GLG1: variants seen among roughly 807,000 people sequenced by gnomAD.
GLG1 encodes the protein Golgi apparatus protein 1.
In GLG1, 38 loss-of-function variants were observed where a neutral mutation model predicts 160.5. The observed-to-expected ratio is 0.24, with a 90% CI of 0.18 to 0.31. The LOEUF (loss-of-function observed/expected upper bound fraction) is 0.31. Ranked by LOEUF, GLG1 falls within the 10% of genes least tolerant of loss-of-function variation. GLG1 has a pLI of 1.00. For missense variants in GLG1, 1,373 were observed against 1,505.2 expected (o/e 0.91, Z 1.45); for synonymous variants, 644 against 543.4 (o/e 1.19, Z -2.57).
chr16:74,457,602 C>T (rs1443218121), intron 24 of GLG1, among the ~76,000 whole-genome samples: 1 of 152,110 alleles, frequency 6.6e-6, no homozygotes, highest in African/African-American at 2.4e-5. Flanking sequence ...TTAACTTCTG[C>T]TTCCCTAATA....
chr16:74,492,823 GAAAAAAA>G (rs370571319), intron 7 of GLG1, 127 bp downstream of exon 7: 6 of 334,500 alleles, frequency 1.8e-5, no homozygotes, highest in Non-Finnish European at 2.9e-5. Flanking sequence ...TCCGTCTCAA[GAAAAAAA>G]AAAAAAAAAG....
intron 8 of GLG1, 85 bp from the exon 9 acceptor site, chr16:74,486,002 G>A (rs1261068247): frequency 6.7e-6 from 7 of 1,044,692 alleles, no homozygotes; most frequent in Non-Finnish European, 1.0e-5. Flanking sequence ...CAGTTGCTCA[G>A]TCCTATTTAC....
chr16:74,507,093 T>C (rs189424126), intron 3 of GLG1, among the ~76,000 whole-genome samples: 3 of 152,208 alleles, frequency 2.0e-5, no homozygotes, highest in Non-Finnish European at 2.9e-5. Flanking sequence ...AGAAAGATGA[T>C]AGAATGAAAA....
chr16:74,543,253 G>T (rs1403471264), intron 1 of GLG1, among the ~76,000 whole-genome samples: 2 of 152,208 alleles, frequency 1.3e-5, no homozygotes, highest in African/African-American at 4.8e-5. Context: ...TGAAAGATGC[G>T]TAGCTCAAAG....
chr16:74,459,915 G>C (rs1177521943), intron 22 of GLG1, 126 bp from the exon 23 acceptor site: 1 of 539,858 alleles, frequency 1.9e-6, no homozygotes, highest in Non-Finnish European at 3.2e-6. Context: ...CAGTGCAGTG[G>C]TGCGATCTCG....
intron 2 of GLG1, among the ~76,000 whole-genome samples, chr16:74,511,513 G>C (rs907850012): frequency 6.0e-5 from 9 of 150,860 alleles, no homozygotes; most frequent in African/African-American, 2.2e-4. Flanking sequence ...TTAGCCAGGC[G>C]TGGTGGTGCA....
At chr16:74,492,726 G>A (rs1291105417) in intron 7 of GLG1, among the ~76,000 whole-genome samples, 3 of 151,842 alleles carry the variant, frequency 2.0e-5, no homozygotes, top group African/African-American at 7.3e-5. Flanking sequence ...GGCTGAGGCA[G>A]GAGAATGGCG....
At chr16:74,582,908 T>C (rs553792403) in intron 1 of GLG1, among the ~76,000 whole-genome samples, 1 of 152,230 alleles carries the variant, frequency 6.6e-6, no homozygotes, top group East Asian at 1.9e-4. Flanking sequence ...TTCTATCTCT[T>C]TTACCAGAAA....
At position 74,451,752 on chromosome 16, in the gene GLG1, C is replaced by G. The variant is rs951418207; in HGVS notation, c.*1415G>C. 31 of 362,836 alleles carry G rather than the reference C, an allele frequency of 8.5e-5. No individual in the cohort carries two copies. Among genetic ancestry groups the G allele is most frequent in the Non-Finnish European group, 1.0e-5 (2 of 191,556 alleles). The allele number at this position is 362,836 out of a possible 1,614,324, so 22.5% of individuals were successfully genotyped here. On this transcript the variant is annotated 3_prime_UTR_variant, in exon 26 of 26. Transcript: ENST00000422840. Reference sequence around the variant, plus strand: ...CCCAAACTCAACCAAAGGAGTGCCACGCTGAACCATGATGCCCGGACCCCT... The same window carrying G: ...CCCAAACTCAACCAAAGGAGTGCCAGGCTGAACCATGATGCCCGGACCCCT...
intron 13 of GLG1, chr16:74,472,704 G>A (rs2015249672): frequency 1.3e-5 from 7 of 543,816 alleles, no homozygotes; most frequent in Non-Finnish European, 6.4e-6. Context: ...ATTAGAGTAT[G>A]CAAAGCCTTT....
At chr16:74,465,610 T>C in intron 19 of GLG1, 66 bp downstream of exon 19, 1 of 1,526,598 alleles carries the variant, frequency 6.6e-7, no homozygotes, top group Non-Finnish European at 9.0e-7. Context: ...AGGAAGTTGC[T>C]GCCATTGTTT....
chr16:74,547,585 T>C (rs543504904), intron 1 of GLG1, among the ~76,000 whole-genome samples: 7 of 152,392 alleles, frequency 4.6e-5, no homozygotes, highest in Admixed American at 1.3e-4. Flanking sequence ...AGTTAATTTG[T>C]GCTATGTTTT....
chr16:74,554,134 G>A (rs1182434374), intron 1 of GLG1, among the ~76,000 whole-genome samples: 3 of 152,044 alleles, frequency 2.0e-5, no homozygotes, highest in Non-Finnish European at 1.5e-5. Context: ...ATTACCTTTC[G>A]CACAAAATCA....
intron 17 of GLG1, 162 bp from the exon 18 acceptor site, chr16:74,468,010 C>T: frequency 1.7e-6 from 1 of 576,382 alleles, no homozygotes; most frequent in Non-Finnish European, 3.1e-6. Context: ...TCAATTCTGT[C>T]ACCAAATAGC....
intron 1 of GLG1, among the ~76,000 whole-genome samples, chr16:74,601,360 G>A (rs1052739652): frequency 1.3e-5 from 2 of 151,738 alleles, no homozygotes; most frequent in South Asian, 2.1e-4. Context: ...AGGGTGGGTC[G>A]GTTGAGCTCA....
chr16:74,540,060 A>T (rs796281763), intron 1 of GLG1, among the ~76,000 whole-genome samples: 267 of 1,056 alleles, frequency 0.25, 71 homozygotes, highest in East Asian at 0.5. Flanking sequence ...TATATATTTT[A>T]TATATATATA....
chr16:74,504,447 C>G (rs1416194761), intron 3 of GLG1, among the ~76,000 whole-genome samples: 1 of 152,090 alleles, frequency 6.6e-6, no homozygotes, highest in Non-Finnish European at 1.5e-5. Flanking sequence ...ACCTCCATGC[C>G]AGGCTAATTT....
chr16:74,457,914 A>G lies in GLG1; in HGVS notation c.3225T>C (p.Ile1075=). ...PVLHTACALD[I]KHHCAAITPG... is the part of the protein sequence containing the mutation. The stretch of plus-strand genomic sequence containing the variant: ...GGGTGATGGCTGCGCAGTGGTGTTT[A>G]ATGTCCAGGGCACAAGCAGTATGAA... The change falls in exon 24 of 26, where the codon ATT becomes ATC. Residue 1075 remains isoleucine, a synonymous_variant. Transcript: ENST00000422840. The G allele has an allele frequency of 6.2e-7, 1 of 1,614,058 alleles. No individual in the cohort carries two copies. Among genetic ancestry groups the G allele is most frequent in the Non-Finnish European group, 8.5e-7 (1 of 1,179,938 alleles).
chr16:74,568,491 C>T (rs939779121), intron 1 of GLG1, among the ~76,000 whole-genome samples: 1 of 150,712 alleles, frequency 6.6e-6, no homozygotes, highest in Non-Finnish European at 1.5e-5. Context: ...GATCTCGGCT[C>T]ACTGGAACCT....
Sources: allele counts gnomAD v4.1 joint callset (sites outside exome capture counted in the v4.1 genomes callset), GRCh38; gene constraint gnomAD v4.1.1; transcripts MANE v1.5; gene names NCBI Gene and HGNC (gene_info 2026-07-23, HGNC 2026-07-21).